The following TRIB2 variants were observed in gnomAD, a reference collection of about 807,000 sequenced individuals.
The protein encoded by TRIB2 is tribbles homolog 2.
TRIB2 carries 2 observed loss-of-function variants against 26.8 expected under a neutral mutation model. The ratio of observed to expected loss-of-function variants is 0.07; its 90% confidence interval spans 0.03 to 0.24. TRIB2 has a LOEUF of 0.24. Ranked by LOEUF, TRIB2 falls within the 10% of genes least tolerant of loss-of-function variation. The probability of loss-of-function intolerance (pLI) is 1.00; values close to 1 mark genes in which losing one functional copy is unlikely to be tolerated. For missense variants in TRIB2, 306 were observed against 449.0 expected (o/e 0.68, Z 2.88); for synonymous variants, 189 against 187.3 (o/e 1.01, Z -0.08).
At chr2:12,724,850 A>T in intron 2 of TRIB2, 1 of 1,605,626 alleles carries the variant, frequency 6.2e-7, no homozygotes, top group Non-Finnish European at 8.5e-7. Flanking sequence ...AGATGAATAT[A>T]TGTTGACCCC....
At chr2:12,729,211 C>T (rs1325741913) in intron 2 of TRIB2, among the ~76,000 whole-genome samples, 1 of 152,170 alleles carries the variant, frequency 6.6e-6, no homozygotes, top group Non-Finnish European at 1.5e-5. Flanking sequence ...GAGCTCATCT[C>T]CTGCTGTATT....
intron 2 of TRIB2, chr2:12,724,648 C>T: frequency 1.2e-6 from 2 of 1,612,782 alleles, no homozygotes; most frequent in Non-Finnish European, 1.7e-6. Context: ...CCCCTGGAGC[C>T]TGGAGATGTT....
At position 12,741,856 on chromosome 2, in the gene TRIB2, C is replaced by T. The variant is rs1034148526; in HGVS notation, c.*1062C>T. ...ATCCTTTTAAGGCTTGTAAGGCCCT[C>T]TGGTTTGGACAAAAACCCTCAGTAG... On this transcript the variant is annotated 3_prime_UTR_variant, in exon 3 of 3. Transcript: ENST00000155926. 3 of 152,802 alleles carry T rather than the reference C, an allele frequency of 2.0e-5. No individual in the cohort carries two copies. The South Asian group carries it at 6.2e-4, about 32-fold the overall frequency. The allele number at this position is 152,802 out of a possible 1,614,324, so 9.5% of individuals were successfully genotyped here. A position where few individuals can be genotyped will look rare whatever the true frequency, so the allele number is the denominator to read the frequency against.
At chr2:12,727,525 G>C (rs1661362889) in intron 2 of TRIB2, among the ~76,000 whole-genome samples, 1 of 152,186 alleles carries the variant, frequency 6.6e-6, no homozygotes, top group African/African-American at 2.4e-5. Context: ...CTGAGGCTCA[G>C]AAAGGCCAGA....
intron 2 of TRIB2, among the ~76,000 whole-genome samples, chr2:12,728,864 T>C (rs1313651106): frequency 2.0e-5 from 3 of 152,188 alleles, no homozygotes; most frequent in Non-Finnish European, 4.4e-5. Flanking sequence ...AGTATCTTTA[T>C]TGGCTTTTCC....
rs903025220 is a variant in TRIB2, at chr2:12,742,528, T to G, written c.*1734T>G. The G allele has an allele frequency of 4.6e-5, 7 of 152,408 alleles. No homozygotes were observed. The highest frequency in any genetic ancestry group is 1.0e-4 in the Non-Finnish European group (7 of 67,988). The allele number at this position is 152,408 out of a possible 1,614,324, so 9.4% of individuals were successfully genotyped here. A position where few individuals can be genotyped will look rare whatever the true frequency, so the allele number is the denominator to read the frequency against. ...GGAAGATAGAAAGGAGAGAAGGTTT[T>G]TTTTTTTTTTAACATTCTGAAGATG... On this transcript the variant is annotated 3_prime_UTR_variant, in exon 3 of 3. Coordinates refer to ENST00000155926, the MANE Select transcript of TRIB2 (RefSeq NM_021643.4).
At position 12,718,643 on chromosome 2, in the gene TRIB2, C is replaced by T. The variant is rs1462438004; in HGVS notation, c.270+66C>T. The T allele has an allele frequency of 3.8e-6, 6 of 1,571,954 alleles. No individual in the cohort carries two copies. The South Asian group carries it at 6.9e-5, about 18-fold the overall frequency. ...CCGAGGGAGCGGGAGGGCGCCAGGCCCTCGAGTCTGGGAGAGGGAGATTCG... is the reference window on the plus strand; with the variant it reads ...CCGAGGGAGCGGGAGGGCGCCAGGCTCTCGAGTCTGGGAGAGGGAGATTCG... On this transcript the variant is annotated intron_variant, in intron 1 of 2. Transcript: ENST00000155926. This position sits in a 1 kb window ranked among gnomAD's most constrained non-coding sequence, Gnocchi z 4.0.
rs76534707 is a variant in TRIB2, at chr2:12,739,097, C to A, written c.564-1229C>A. Among the ~76,000 whole-genome samples the A allele has an allele frequency of 1.7e-4, 26 of 152,138 alleles. No homozygotes were observed. In the East Asian group the frequency reaches 4.7e-3, roughly 27 times the overall value. ...GGCTCATGGTTCTGTTCACACACAC[C>A]CTATGCACGCAGACACGTGGGAAAT... On this transcript the variant is annotated intron_variant, in intron 2 of 2. Transcript: ENST00000155926.
intron 2 of TRIB2, among the ~76,000 whole-genome samples, chr2:12,738,102 A>G (rs1661623002): frequency 6.6e-6 from 1 of 152,204 alleles, no homozygotes; most frequent in African/African-American, 2.4e-5. Flanking sequence ...GAGGCATTAG[A>G]GTCAACCCAG....
intron 2 of TRIB2, chr2:12,724,890 C>T (rs919137914): frequency 1.6e-5 from 25 of 1,535,408 alleles, no homozygotes; most frequent in East Asian, 1.1e-4. Flanking sequence ...ATTCTCTCTA[C>T]CCTTGTATGT....
chr2:12,726,402 T>G (rs1360576541), intron 2 of TRIB2, among the ~76,000 whole-genome samples: 4 of 152,214 alleles, frequency 2.6e-5, no homozygotes, highest in Admixed American at 2.6e-4. Flanking sequence ...TTGGCCTGCA[T>G]GGTGGCCTAC....
intron 2 of TRIB2, among the ~76,000 whole-genome samples, chr2:12,731,744 G>A (rs895004226): frequency 6.6e-6 from 1 of 152,178 alleles, no homozygotes; most frequent in African/African-American, 2.4e-5. Context: ...CAGCGTCCCT[G>A]TCTGGCCCTG....
At chr2:12,731,419 G>A (rs1166185690) in intron 2 of TRIB2, among the ~76,000 whole-genome samples, 4 of 152,192 alleles carry the variant, frequency 2.6e-5, no homozygotes, top group Non-Finnish European at 5.9e-5. Flanking sequence ...TTTTCTGGAT[G>A]GCAGGGATGG....
Position 12,718,370 on chromosome 2 carries a change from C to T in TRIB2, c.63C>T (p.Thr21=), listed in dbSNP as rs747242699. ...IARYGRSRNK[T]QDFEELSSIR... Reference sequence around the variant, plus strand: ...GATATGGGAGATCGCGGAACAAAACCCAGGATTTCGAAGAGTTGTCGTCTA... The same window carrying T: ...GATATGGGAGATCGCGGAACAAAACTCAGGATTTCGAAGAGTTGTCGTCTA... The change falls in exon 1 of 3, where the codon ACC becomes ACT. Residue 21 remains threonine (T), a synonymous_variant. Transcript: ENST00000155926. The surrounding 1 kb of genome is among the most constrained non-coding windows in gnomAD (Gnocchi z 4.0). 3 of 1,614,192 alleles carry T rather than the reference C, an allele frequency of 1.9e-6. No individual in the cohort carries two copies. Among genetic ancestry groups the T allele is most frequent in the South Asian group, 2.2e-5 (2 of 91,076 alleles).
chr2:12,735,773 G>T (rs994184813), intron 2 of TRIB2, among the ~76,000 whole-genome samples: 5 of 152,150 alleles, frequency 3.3e-5, no homozygotes, highest in Admixed American at 6.5e-5. Context: ...TTTTGTGGTT[G>T]TCCTTCTGCA....
intron 2 of TRIB2, among the ~76,000 whole-genome samples, chr2:12,735,371 C>T (rs1393255584): frequency 6.6e-6 from 1 of 152,144 alleles, no homozygotes; most frequent in Non-Finnish European, 1.5e-5. Flanking sequence ...GATTGGCTGT[C>T]CCCTGACACT....
At chr2:12,733,282 C>CTG (rs1301602738) in intron 2 of TRIB2, among the ~76,000 whole-genome samples, 2 of 152,180 alleles carry the variant, frequency 1.3e-5, no homozygotes, top group African/African-American at 4.8e-5. Context: ...TAGCAGTTAG[C>CTG]TGTGAATGGG....
intron 2 of TRIB2, among the ~76,000 whole-genome samples, chr2:12,734,434 C>T (rs1661526250): frequency 6.6e-6 from 1 of 152,050 alleles, no homozygotes; most frequent in Non-Finnish European, 1.5e-5. Context: ...GGAACAAGTG[C>T]AAAAGACCCA....
In TRIB2 at chr2:12,732,648, G is replaced by A. The variant is rs1448318779; in HGVS notation, c.564-7678G>A. ...GTGCATACATGAACCAGAATTAAGT[G>A]AACGACAATTTATTTGGCATCGTTT... On this transcript the variant is annotated intron_variant, in intron 2 of 2. Coordinates refer to ENST00000155926, the MANE Select transcript of TRIB2 (RefSeq NM_021643.4). This position sits in a 1 kb window ranked among gnomAD's most constrained non-coding sequence, Gnocchi z 4.2. Among the ~76,000 whole-genome samples the A allele has an allele frequency of 1.3e-5, 2 of 152,238 alleles. No individual in the cohort carries two copies. The highest frequency in any genetic ancestry group is 2.4e-5 in the African/African-American group (1 of 41,460).
Sources: allele counts gnomAD v4.1 joint callset (sites outside exome capture counted in the v4.1 genomes callset), GRCh38; gene constraint gnomAD v4.1.1; non-coding constraint Gnocchi (gnomAD v3.1); transcripts MANE v1.5; gene names NCBI Gene and HGNC (gene_info 2026-07-23, HGNC 2026-07-21).